The following DPYD variants were observed in gnomAD, a reference collection of about 807,000 sequenced individuals.
DPYD encodes dihydropyrimidine dehydrogenase, also known as dihydropyrimidine dehydrogenase [NADP(+)].
In DPYD, 109 loss-of-function variants were observed where a neutral mutation model predicts 116.2. That is an observed-to-expected ratio of 0.94 (90% CI 0.80 to 1.10). The LOEUF is 1.10. Ranked by LOEUF, DPYD falls within the 50% of genes least tolerant of loss-of-function variation. The pLI is 0.00. For synonymous variants in DPYD, 440 were observed against 432.0 expected (o/e 1.02, Z -0.23); for missense variants, 1,302 against 1,254.5 (o/e 1.04, Z -0.57).
Position 97,911,039 on chromosome 1 carries a change from C to T in DPYD, c.39+9845G>A, listed in dbSNP as rs867108416. Among the ~76,000 whole-genome samples the T allele has an allele frequency of 5.2e-4, 79 of 151,892 alleles. 1 individual carries two copies. Among genetic ancestry groups the T allele is most frequent in the Middle Eastern group, 3.4e-3 (1 of 294 alleles). Reference sequence around the variant, plus strand: ...AATATTCAAACAAATACAAATTAAACGAATCACACAAAAGTTTCACCTAAT... The same window carrying T: ...AATATTCAAACAAATACAAATTAAATGAATCACACAAAAGTTTCACCTAAT... On this transcript the variant is annotated intron_variant, in intron 1 of 22. Coordinates refer to ENST00000370192, the MANE Select transcript of DPYD (RefSeq NM_000110.4).
At chr1:97,459,855 A>G (rs867083570) in intron 13 of DPYD, among the ~76,000 whole-genome samples, 16 of 152,200 alleles carry the variant, frequency 1.1e-4, no homozygotes, top group African/African-American at 3.1e-4. Context: ...TTATGTTTAT[A>G]TGAGGCAAAA....
At chr1:97,155,258 G>A (rs1655350080) in intron 20 of DPYD, among the ~76,000 whole-genome samples, 2 of 152,078 alleles carry the variant, frequency 1.3e-5, no homozygotes, top group African/African-American at 2.4e-5. Context: ...TAAAATCAAA[G>A]GCTTTTCACA....
intron 13 of DPYD, among the ~76,000 whole-genome samples, chr1:97,514,399 G>T (rs546983526): frequency 6.6e-6 from 1 of 151,750 alleles, no homozygotes; most frequent in African/African-American, 2.4e-5. Flanking sequence ...ACCTATTTCG[G>T]TTTACATATA....
At chr1:97,140,925 T>C (rs533615414) in intron 20 of DPYD, among the ~76,000 whole-genome samples, 11 of 152,328 alleles carry the variant, frequency 7.2e-5, no homozygotes, top group African/African-American at 2.6e-4. Flanking sequence ...ACTATAATAC[T>C]GTTTTTTCCC....
intron 13 of DPYD, among the ~76,000 whole-genome samples, chr1:97,510,889 C>T (rs969061045): frequency 6.6e-6 from 1 of 151,910 alleles, no homozygotes. Flanking sequence ...CAAACCTAAA[C>T]CAGCCACCTT....
intron 12 of DPYD, among the ~76,000 whole-genome samples, chr1:97,524,596 C>T (rs1464264177): frequency 6.6e-6 from 1 of 152,120 alleles, no homozygotes; most frequent in Non-Finnish European, 1.5e-5. Flanking sequence ...GATATATAAC[C>T]CAAGAATATT....
intron 8 of DPYD, among the ~76,000 whole-genome samples, chr1:97,669,419 T>C (rs568999798): frequency 2.5e-4 from 38 of 152,114 alleles, no homozygotes; most frequent in Non-Finnish European, 4.6e-4. Flanking sequence ...AAAAGTAATA[T>C]AACCAAACTA....
At chr1:97,601,812 G>C (rs1655265915) in intron 8 of DPYD, among the ~76,000 whole-genome samples, 1 of 151,948 alleles carries the variant, frequency 6.6e-6, no homozygotes, top group African/African-American at 2.4e-5. Context: ...TTAGTACTGA[G>C]TGTTCAGACA....
intron 1 of DPYD, among the ~76,000 whole-genome samples, chr1:97,915,188 G>A (rs1403529443): frequency 6.6e-6 from 1 of 152,034 alleles, no homozygotes; most frequent in Non-Finnish European, 1.5e-5. Context: ...GAAAGAAGCT[G>A]ACCACAGTCA....
intron 16 of DPYD, among the ~76,000 whole-genome samples, chr1:97,350,987 C>T (rs1385872476): frequency 6.6e-6 from 1 of 152,092 alleles, no homozygotes; most frequent in African/African-American, 2.4e-5. Flanking sequence ...TACAGGAAGT[C>T]GTGGCCTTCA....
At chr1:97,340,607 T>G (rs1326297382) in intron 16 of DPYD, among the ~76,000 whole-genome samples, 1 of 152,140 alleles carries the variant, frequency 6.6e-6, no homozygotes, top group Non-Finnish European at 1.5e-5. Flanking sequence ...GCCCAGGAAG[T>G]TGAGGCTGCA....
intron 13 of DPYD, among the ~76,000 whole-genome samples, chr1:97,461,869 T>C (rs1180849212): frequency 1.3e-5 from 2 of 152,222 alleles, no homozygotes; most frequent in Non-Finnish European, 2.9e-5. Context: ...AAGGTTAAAA[T>C]TAGCCTTGGA....
At chr1:97,861,030 T>A (rs1671087539) in intron 2 of DPYD, among the ~76,000 whole-genome samples, 1 of 151,800 alleles carries the variant, frequency 6.6e-6, no homozygotes, top group Non-Finnish European at 1.5e-5. Flanking sequence ...GAAACATAAA[T>A]CCTTTGTAAG....
intron 18 of DPYD, among the ~76,000 whole-genome samples, chr1:97,247,578 A>G (rs903722156): frequency 5.9e-5 from 9 of 152,214 alleles, no homozygotes; most frequent in Non-Finnish European, 1.2e-4. Context: ...ATGAATTTCT[A>G]ATGTATCTAA....
chr1:97,130,983 TTACTGAAAA>T (rs2101668978), intron 20 of DPYD, among the ~76,000 whole-genome samples: 2 of 150,782 alleles, frequency 1.3e-5, no homozygotes, highest in South Asian at 4.3e-4. Flanking sequence ...TATTACTTAA[TTACTGAAAA>T]TCATTATGAC....
intron 3 of DPYD, among the ~76,000 whole-genome samples, chr1:97,822,251 C>CAT (rs1668981099): frequency 6.7e-6 from 1 of 148,768 alleles, no homozygotes; most frequent in East Asian, 1.9e-4. Flanking sequence ...TATATATACA[C>CAT]ACACACAGAT....
chr1:97,263,349 C>T (rs1402826117), intron 18 of DPYD, among the ~76,000 whole-genome samples: 1 of 152,028 alleles, frequency 6.6e-6, no homozygotes, highest in Non-Finnish European at 1.5e-5. Flanking sequence ...TATCTGAGGT[C>T]TGAAATACCA....
intron 20 of DPYD, among the ~76,000 whole-genome samples, chr1:97,154,549 G>C (rs998846531): frequency 6.6e-6 from 1 of 152,014 alleles, no homozygotes; most frequent in African/African-American, 2.4e-5. Flanking sequence ...TGGAGGCCAG[G>C]GTTGAAGACC....
At chr1:97,135,186 C>T (rs1653692417) in intron 20 of DPYD, among the ~76,000 whole-genome samples, 1 of 152,096 alleles carries the variant, frequency 6.6e-6, no homozygotes, top group Non-Finnish European at 1.5e-5. Context: ...CCTTAGCTTT[C>T]ACTAAAAATT....
Sources: gnomAD v4.1 joint callset for allele counts (sites outside exome capture counted in the v4.1 genomes callset) on GRCh38, gnomAD v4.1.1 for gene constraint, MANE v1.5 for transcripts, NCBI Gene and HGNC (gene_info 2026-07-23, HGNC 2026-07-21) for gene names.